The following ARK2N variants were observed in gnomAD, a reference collection of about 807,000 sequenced individuals.
ARK2N encodes arkadia (RNF111) N-terminal like PKA signaling regulator 2N.
chr18:46,249,303 C>T, the ARK2N span, among the ~76,000 whole-genome samples: 14 of 152,134 alleles, frequency 9.2e-5, no homozygotes, highest in Admixed American at 7.9e-4. Flanking sequence ...CATCTCAGCT[C>T]ACTGCAAGCT....
At chr18:46,182,962 C>T in the ARK2N span, among the ~76,000 whole-genome samples, 1 of 151,918 alleles carries the variant, frequency 6.6e-6, no homozygotes, top group African/African-American at 2.4e-5. Flanking sequence ...GCATTATGGA[C>T]AGATCCATTC....
the ARK2N span, among the ~76,000 whole-genome samples, chr18:46,215,534 TAAATA>T: frequency 4.6e-5 from 7 of 152,206 alleles, no homozygotes; most frequent in African/African-American, 1.7e-4. Context: ...TAGAACACTT[TAAATA>T]AAATTGTAAA....
the ARK2N span, among the ~76,000 whole-genome samples, chr18:46,233,206 G>A: frequency 6.6e-6 from 1 of 152,002 alleles, no homozygotes; most frequent in African/African-American, 2.4e-5. Context: ...AAAAATTGAT[G>A]GATATTTGGA....
the ARK2N span, chr18:46,264,966 G>A: frequency 6.6e-6 from 1 of 152,218 alleles, no homozygotes; most frequent in Non-Finnish European, 1.5e-5. Context: ...TCCAGCTTTA[G>A]CAACTCATAT....
the ARK2N span, among the ~76,000 whole-genome samples, chr18:46,207,020 C>T: frequency 1.1e-4 from 17 of 152,278 alleles, no homozygotes; most frequent in East Asian, 3.1e-3. Context: ...AAGCAATCCT[C>T]CCACTTTGAT....
chr18:46,186,591 A>T, the ARK2N span, among the ~76,000 whole-genome samples: 1 of 132,212 alleles, frequency 7.6e-6, no homozygotes, highest in Admixed American at 9.1e-5. Flanking sequence ...TACAAGCTCC[A>T]CCTTCCGGGT....
the ARK2N span, chr18:46,264,011 T>C: frequency 4.6e-5 from 7 of 152,312 alleles, no homozygotes; most frequent in South Asian, 1.5e-3. Context: ...CACTTGCAAA[T>C]CCGAGAGGAA....
the ARK2N span, among the ~76,000 whole-genome samples, chr18:46,251,482 CTG>C: frequency 1.3e-5 from 2 of 152,112 alleles, no homozygotes; most frequent in Non-Finnish European, 2.9e-5. Flanking sequence ...CCCACGCAAA[CTG>C]TGATATATAA....
the ARK2N span, among the ~76,000 whole-genome samples, chr18:46,236,836 T>TG: frequency 2.5e-3 from 373 of 147,964 alleles, 2 homozygotes; most frequent in Middle Eastern, 0.021. Context: ...TTCTGTTTTT[T>TG]TTTTGTTGTT....
the ARK2N span, among the ~76,000 whole-genome samples, chr18:46,248,892 T>C: frequency 6.9e-3 from 1,045 of 152,222 alleles, 8 homozygotes; most frequent in African/African-American, 0.023. Flanking sequence ...CTCTATACTC[T>C]TACGCAGCTA....
chr18:46,231,802 T>A, the ARK2N span: 1 of 151,884 alleles, frequency 6.6e-6, no homozygotes, highest in Admixed American at 6.6e-5. Context: ...TTGCCCAGGC[T>A]GGAGTGCAAT....
At chr18:46,241,583 G>A in the ARK2N span, among the ~76,000 whole-genome samples, 3 of 151,864 alleles carry the variant, frequency 2.0e-5, no homozygotes, top group Admixed American at 6.6e-5. Flanking sequence ...TTAGCTGGGC[G>A]TGATGGGTGT....
the ARK2N span, chr18:46,216,385 G>A: frequency 2.3e-5 from 37 of 1,613,946 alleles, no homozygotes; most frequent in Middle Eastern, 1.6e-4. This position sits in a 1 kb window ranked among gnomAD's most constrained non-coding sequence, Gnocchi z 4.3. Flanking sequence ...TGGCCGAGTC[G>A]CCAAGGTTAA....
the ARK2N span, among the ~76,000 whole-genome samples, chr18:46,259,900 C>CGT: frequency 9.9e-6 from 1 of 101,022 alleles, no homozygotes; most frequent in Non-Finnish European, 2.1e-5. Flanking sequence ...TGTGTGTGTG[C>CGT]GACAGAGATG....
the ARK2N span, among the ~76,000 whole-genome samples, chr18:46,178,589 C>T: frequency 3.3e-5 from 5 of 152,132 alleles, no homozygotes; most frequent in Admixed American, 3.3e-4. Context: ...GGATTATAGG[C>T]GGGAGCCACC....
At chr18:46,229,293 C>A in the ARK2N span, among the ~76,000 whole-genome samples, 3 of 151,918 alleles carry the variant, frequency 2.0e-5, no homozygotes, top group African/African-American at 4.8e-5. Context: ...AAAAATTCCC[C>A]TTTCAACATA....
At chr18:46,224,682 C>G in the ARK2N span, among the ~76,000 whole-genome samples, 1 of 152,062 alleles carries the variant, frequency 6.6e-6, no homozygotes, top group Non-Finnish European at 1.5e-5. Flanking sequence ...TGTATTCAGT[C>G]TGTGTAGTAA....
the ARK2N span, among the ~76,000 whole-genome samples, chr18:46,248,700 T>G: frequency 6.6e-6 from 1 of 152,198 alleles, no homozygotes; most frequent in Non-Finnish European, 1.5e-5. Context: ...TTCTCCTGCC[T>G]CAGCATCCGG....
At chr18:46,201,873 G>T in the ARK2N span, among the ~76,000 whole-genome samples, 1 of 151,662 alleles carries the variant, frequency 6.6e-6, no homozygotes, top group African/African-American at 2.4e-5. Flanking sequence ...TGCCTCCTGG[G>T]TTCAAGCGAT....
Sources: gnomAD v4.1 joint callset for allele counts (sites outside exome capture counted in the v4.1 genomes callset) on GRCh38, gnomAD v4.1.1 for gene constraint, Gnocchi (gnomAD v3.1) non-coding constraint, MANE v1.5 for transcripts, NCBI Gene and HGNC (gene_info 2026-07-23, HGNC 2026-07-21) for gene names.